The following YAF2 variants were observed in gnomAD, a reference collection of about 807,000 sequenced individuals.
YAF2 encodes the protein YY1 associated factor 2.
Under a neutral mutation model 20.1 loss-of-function variants are expected in YAF2, and 7 were observed. The observed-to-expected ratio is 0.35, with a 90% CI of 0.20 to 0.65. The LOEUF is 0.65. Ranked by LOEUF, YAF2 falls within the 30% of genes least tolerant of loss-of-function variation. The probability of loss-of-function intolerance (pLI) is 0.69; values close to 1 mark genes in which losing one functional copy is unlikely to be tolerated. For missense variants in YAF2, 151 were observed against 219.2 expected, an observed-to-expected ratio of 0.69 and a Z score of 1.96; for synonymous variants, 74 against 76.0, an observed-to-expected ratio of 0.97 and a Z score of 0.14.
chr12:42,215,971 T>C (rs1477170724), intron 2 of YAF2, among the ~76,000 whole-genome samples: 1 of 115,464 alleles, frequency 8.7e-6, no homozygotes, highest in East Asian at 2.6e-4. Flanking sequence ...AATAAATAAA[T>C]AAATAAAGCT....
At chr12:42,196,512 A>T (rs1450817682) in intron 2 of YAF2, among the ~76,000 whole-genome samples, 1 of 152,198 alleles carries the variant, frequency 6.6e-6, no homozygotes, top group Non-Finnish European at 1.5e-5. Context: ...GAAAATAAAT[A>T]AAGTTTATAG....
chr12:42,193,889 C>G (rs74428333), intron 2 of YAF2, among the ~76,000 whole-genome samples: 1,597 of 152,218 alleles, frequency 0.01, 29 homozygotes, highest in African/African-American at 0.037. Context: ...AGGAAGAAGA[C>G]AGTGATATTT....
intron 2 of YAF2, among the ~76,000 whole-genome samples, chr12:42,211,814 C>T (rs545253705): frequency 6.6e-5 from 10 of 151,118 alleles, no homozygotes; most frequent in South Asian, 4.2e-4. Context: ...TTTGGGAGGC[C>T]GAGGTGGGCG....
At chr12:42,228,373 T>C (rs2067838949) in intron 2 of YAF2, among the ~76,000 whole-genome samples, 1 of 51,502 alleles carries the variant, frequency 1.9e-5, no homozygotes, top group Admixed American at 1.8e-4. Flanking sequence ...CCGCCCCTAC[T>C]GGGAAGTGAG....
At chr12:42,204,892 A>AT (rs1288215287) in intron 2 of YAF2, among the ~76,000 whole-genome samples, 1 of 152,186 alleles carries the variant, frequency 6.6e-6, no homozygotes, top group Non-Finnish European at 1.5e-5. Flanking sequence ...TAAAAGGAAG[A>AT]TTAGTAGATG....
intron 2 of YAF2, among the ~76,000 whole-genome samples, chr12:42,211,592 A>G (rs1403573813): frequency 6.6e-6 from 1 of 151,000 alleles, no homozygotes; most frequent in Non-Finnish European, 1.5e-5. Flanking sequence ...TAAAAATACA[A>G]AAAGTAGCCA....
intron 2 of YAF2, among the ~76,000 whole-genome samples, chr12:42,184,998 G>A (rs546505646): frequency 2.0e-5 from 3 of 152,164 alleles, no homozygotes; most frequent in Non-Finnish European, 2.9e-5. Flanking sequence ...CCAATATGGC[G>A]CAACCCTGTC....
chr12:42,225,509 TA>T (rs1319548347), intron 2 of YAF2, among the ~76,000 whole-genome samples: 1 of 152,246 alleles, frequency 6.6e-6, no homozygotes, highest in East Asian at 1.9e-4. Flanking sequence ...TTTATGGTTT[TA>T]GGTCTTATGT....
rs59476115 is a variant in YAF2 at position 42,175,740 on chromosome 12, CAAAAAAAAAAAAAAA to C, written c.153-13990_153-13976del. Among the ~76,000 whole-genome samples the C allele has an allele frequency of 1.1e-3, 48 of 45,012 alleles. 1 individual carries two copies. The highest frequency in any genetic ancestry group is 3.4e-3 in the African/African-American group (44 of 13,040). The allele number at this position is 45,012 out of a possible 152,430, so 29.5% of individuals were successfully genotyped here. On this transcript the variant is annotated intron_variant, in intron 2 of 3. Coordinates refer to ENST00000534854, the MANE Select transcript of YAF2 (RefSeq NM_005748.6). ...CTGGCGACAGAGCAAGACTCTGTCT[CAAAAAAAAAAAAAAA>C]AAAAAAAAAAAAAAATTAAAACAGG... is the stretch of plus-strand genomic sequence containing the variant.
At chr12:42,218,185 A>AAACACACACACACACACACAC in intron 2 of YAF2, among the ~76,000 whole-genome samples, 1 of 140,698 alleles carries the variant, frequency 7.1e-6, no homozygotes, top group African/African-American at 2.6e-5. Flanking sequence ...GCTACTAGGA[A>AAACACACACACACACACACAC]ACACACACAC....
chr12:42,230,302 AAGAG>A (rs1451772804), intron 2 of YAF2, among the ~76,000 whole-genome samples: 4 of 151,854 alleles, frequency 2.6e-5, no homozygotes, highest in Non-Finnish European at 4.4e-5. Flanking sequence ...GAAAGAAAGA[AAGAG>A]AAAGAAAAAG....
intron 2 of YAF2, among the ~76,000 whole-genome samples, chr12:42,193,084 G>C (rs184882746): frequency 1.3e-5 from 2 of 152,244 alleles, no homozygotes; most frequent in Admixed American, 6.5e-5. Context: ...GTGGCCGAGG[G>C]GGGGCAGATC....
intron 2 of YAF2, among the ~76,000 whole-genome samples, chr12:42,179,082 C>T (rs566159710): frequency 6.6e-5 from 10 of 152,276 alleles, no homozygotes; most frequent in African/African-American, 2.2e-4. Context: ...ATACACTTGT[C>T]TGGGCTCCAC....
intron 2 of YAF2, among the ~76,000 whole-genome samples, chr12:42,223,890 G>A (rs899482006): frequency 2.0e-5 from 3 of 151,084 alleles, no homozygotes; most frequent in African/African-American, 7.3e-5. Flanking sequence ...TGGGGGGCAA[G>A]GGGAAGGAGA....
intron 2 of YAF2, among the ~76,000 whole-genome samples, chr12:42,218,922 A>C (rs969819004): frequency 1.3e-5 from 2 of 152,164 alleles, no homozygotes; most frequent in Non-Finnish European, 2.9e-5. Context: ...TTCAAGAAAG[A>C]AAGCTTCAAA....
Position 42,237,739 on chromosome 12 carries a change from C to T in YAF2, c.27-15G>A. The T allele has an allele frequency of 3.9e-6, 6 of 1,522,632 alleles. No individual in the cohort carries two copies. The highest frequency in any genetic ancestry group is 5.3e-6 in the Non-Finnish European group (6 of 1,136,132). The allele number at this position is 1,522,632 out of a possible 1,614,324, so 94.3% of individuals were successfully genotyped here. On this transcript the variant is annotated splice_polypyrimidine_tract_variant and intron_variant, in intron 1 of 3. Coordinates refer to ENST00000534854, the MANE Select transcript of YAF2 (RefSeq NM_005748.6). The stretch of plus-strand genomic sequence containing the variant: ...GCCGCTTCGGCCTGCAGGACACAAC[C>T]CGGACACGACGCGGCGCGGGGTCAC...
chr12:42,196,903 T>A (rs1221912400), intron 2 of YAF2, among the ~76,000 whole-genome samples: 1 of 152,208 alleles, frequency 6.6e-6, no homozygotes, highest in Non-Finnish European at 1.5e-5. Flanking sequence ...CTGATGAGTC[T>A]GACTGGGACC....
intron 2 of YAF2, among the ~76,000 whole-genome samples, chr12:42,220,102 G>A (rs2067471586): frequency 6.6e-6 from 1 of 152,078 alleles, no homozygotes; most frequent in Non-Finnish European, 1.5e-5. Context: ...CCTAAAATGG[G>A]AAAAAGTCTA....
intron 2 of YAF2, among the ~76,000 whole-genome samples, chr12:42,174,582 G>A (rs957278120): frequency 5.3e-5 from 8 of 152,144 alleles, no homozygotes; most frequent in East Asian, 3.9e-4. Context: ...TGTAGTCAAC[G>A]AATGAAGAGT....
Sources: allele counts gnomAD v4.1 joint callset (sites outside exome capture counted in the v4.1 genomes callset), GRCh38; gene constraint gnomAD v4.1.1; transcripts MANE v1.5; gene names NCBI Gene and HGNC (gene_info 2026-07-23, HGNC 2026-07-21).